PTBP2: variants seen among roughly 807,000 people sequenced by gnomAD.
PTBP2 encodes the protein polypyrimidine tract-binding protein 2.
Under a neutral mutation model 61.4 loss-of-function variants are expected in PTBP2, and 13 were observed. The observed-to-expected ratio is 0.21, with a 90% CI of 0.14 to 0.34. PTBP2 has a LOEUF of 0.34. PTBP2 is among the 10% of genes least tolerant of loss of function. The pLI is 1.00. For synonymous variants in PTBP2, 215 were observed against 218.5 expected (o/e 0.98, Z 0.14); for missense variants, 405 against 642.6 (o/e 0.63, Z 4.00).
chr1:96,799,667 G>A (rs1660778133), intron 8 of PTBP2, among the ~76,000 whole-genome samples: 1 of 152,106 alleles, frequency 6.6e-6, no homozygotes, highest in Non-Finnish European at 1.5e-5. Flanking sequence ...TAATCTGTTA[G>A]AGCCAGTGTA....
chr1:96,780,589 C>A (rs1240016798), intron 7 of PTBP2, among the ~76,000 whole-genome samples: 1 of 151,964 alleles, frequency 6.6e-6, no homozygotes, highest in African/African-American at 2.4e-5. Context: ...TCTTAAAATT[C>A]TCTTTCTTCC....
At chr1:96,816,640 T>A (rs1662497928), downstream of PTBP2, 1 of 152,144 alleles carries the variant, frequency 6.6e-6, no homozygotes, top group Admixed American at 6.5e-5. Context: ...TTGGAAGCAT[T>A]TTAGCTCCTA....
chr1:96,805,559 A>G (rs1332653802), intron 9 of PTBP2, among the ~76,000 whole-genome samples: 1 of 148,376 alleles, frequency 6.7e-6, no homozygotes, highest in East Asian at 2.0e-4. Flanking sequence ...TTGCTAAGTT[A>G]TTTTCTTTAG....
At chr1:96,759,378 A>G (rs890502118) in intron 3 of PTBP2, among the ~76,000 whole-genome samples, 9 of 152,342 alleles carry the variant, frequency 5.9e-5, no homozygotes, top group East Asian at 1.9e-4. Flanking sequence ...ACAGTTTACT[A>G]CTAGCATAGT....
intron 8 of PTBP2, among the ~76,000 whole-genome samples, chr1:96,798,533 A>G (rs932791948): frequency 6.6e-6 from 1 of 152,216 alleles, no homozygotes; most frequent in Admixed American, 6.5e-5. Flanking sequence ...AAAAGAAATC[A>G]TAAATTACTT....
At chr1:96,805,869 G>T (rs1485877332) in intron 9 of PTBP2, among the ~76,000 whole-genome samples, 1 of 152,052 alleles carries the variant, frequency 6.6e-6, no homozygotes, top group Non-Finnish European at 1.5e-5. Context: ...TCCTATGCAT[G>T]CTTTCCTTCC....
chr1:96,760,599 C>CCA (rs1269086853), intron 3 of PTBP2, among the ~76,000 whole-genome samples: 1 of 151,912 alleles, frequency 6.6e-6, no homozygotes, highest in Non-Finnish European at 1.5e-5. Flanking sequence ...GTGCACGCCA[C>CCA]CACACCCGGC....
intron 11 of PTBP2, 34 bp downstream of exon 11, chr1:96,806,992 C>T: frequency 6.8e-7 from 1 of 1,477,198 alleles, no homozygotes; most frequent in Non-Finnish European, 9.3e-7. Flanking sequence ...TATACATCTT[C>T]ACTTCTGCTT....
chr1:96,728,818 T>G (rs72721958), intron 2 of PTBP2, among the ~76,000 whole-genome samples: 57 of 80,162 alleles, frequency 7.1e-4, no homozygotes, highest in East Asian at 6.4e-3. Flanking sequence ...TTTAAGCATT[T>G]TTTTTTTTTT....
intron 8 of PTBP2, among the ~76,000 whole-genome samples, chr1:96,787,284 A>G (rs910676120): frequency 3.9e-5 from 6 of 152,126 alleles, no homozygotes; most frequent in African/African-American, 1.4e-4. Context: ...AGCCTCCCAA[A>G]GTGCTGAGAT....
chr1:96,738,476 T>TGTTAGCCA (rs200563642), intron 2 of PTBP2, among the ~76,000 whole-genome samples: 8,233 of 152,162 alleles, frequency 0.054, 323 homozygotes, highest in Middle Eastern at 0.082. Context: ...GGTTTCACCG[T>TGTTAGCCA]GTTAGCCAGG....
intron 8 of PTBP2, among the ~76,000 whole-genome samples, chr1:96,802,177 C>T (rs1239010954): frequency 3.5e-5 from 5 of 142,388 alleles, no homozygotes; most frequent in African/African-American, 1.3e-4. Flanking sequence ...CGCCACTGCA[C>T]TCCAACCTGA....
intron 3 of PTBP2, among the ~76,000 whole-genome samples, chr1:96,753,799 G>A (rs6686652): frequency 0.045 from 6,838 of 152,234 alleles, 479 homozygotes; most frequent in African/African-American, 0.15. Context: ...AGTTGGGACT[G>A]ATTCACTGGT....
chr1:96,774,368 TC>T (rs1270450569), intron 5 of PTBP2, among the ~76,000 whole-genome samples: 1 of 152,202 alleles, frequency 6.6e-6, no homozygotes, highest in African/African-American at 2.4e-5. Flanking sequence ...TCACTGTGTC[TC>T]CAGTCCATTT....
chr1:96,811,069 A>AT (rs201997809), intron 11 of PTBP2, among the ~76,000 whole-genome samples: 2,779 of 150,982 alleles, frequency 0.018, 39 homozygotes, highest in Non-Finnish European at 0.027. Context: ...TTTTTTTTTA[A>AT]TTTTTTTAAA....
chr1:96,769,883 T>C lies in PTBP2; in HGVS notation c.288+8T>C, dbSNP rs41300329. The C allele has an allele frequency of 0.015, 23,152 of 1,572,960 alleles. 1,787 individuals are homozygous for C. The African/African-American group carries it at 0.22, about 15-fold the overall frequency. On this transcript the variant is annotated splice_region_variant and intron_variant, in intron 4 of 13. Coordinates refer to ENST00000674951, the MANE Select transcript of PTBP2 (RefSeq NM_021190.4). ...CTGAAAGGAAAAAATCAGGTACACTTCTTTCAGGGTTTATGAAATGTTAAA... is the reference window on the plus strand; with the variant it reads ...CTGAAAGGAAAAAATCAGGTACACTCCTTTCAGGGTTTATGAAATGTTAAA...
At chr1:96,762,402 C>A (rs1380675956) in intron 3 of PTBP2, among the ~76,000 whole-genome samples, 1 of 148,718 alleles carries the variant, frequency 6.7e-6, no homozygotes, top group Non-Finnish European at 1.5e-5. Flanking sequence ...GGGGCTGACC[C>A]CCCCACCTCC....
At chr1:96,732,681 ATTGGTTTGGG>A (rs1651591490) in intron 2 of PTBP2, among the ~76,000 whole-genome samples, 1 of 152,194 alleles carries the variant, frequency 6.6e-6, no homozygotes, top group Non-Finnish European at 1.5e-5. Flanking sequence ...AGTAGGAAAG[ATTGGTTTGGG>A]TTGGTAGGCT....
chr1:96,750,857 A>G (rs1478576405), intron 2 of PTBP2, among the ~76,000 whole-genome samples: 1 of 152,140 alleles, frequency 6.6e-6, no homozygotes, highest in East Asian at 1.9e-4. Context: ...AGATGAATGT[A>G]TAACCTTTTC....
Sources: gnomAD v4.1 joint callset for allele counts (sites outside exome capture counted in the v4.1 genomes callset) on GRCh38, gnomAD v4.1.1 for gene constraint, MANE v1.5 for transcripts, NCBI Gene and HGNC (gene_info 2026-07-23, HGNC 2026-07-21) for gene names.